CEP85L: variants seen among roughly 807,000 people sequenced by gnomAD.
The protein encoded by CEP85L is centrosomal protein of 85 kDa-like.
CEP85L carries 60 observed loss-of-function variants against 100.3 expected under a neutral mutation model. That is an observed-to-expected ratio of 0.60 (90% CI 0.49 to 0.74). CEP85L has a LOEUF of 0.74. CEP85L is among the 30% of genes least tolerant of loss of function. CEP85L has a pLI of 0.00. For missense variants in CEP85L, 973 were observed against 936.2 expected, an observed-to-expected ratio of 1.04 and a Z score of -0.51; for synonymous variants, 319 against 322.7, an observed-to-expected ratio of 0.99 and a Z score of 0.12.
intron 2 of CEP85L, among the ~76,000 whole-genome samples, chr6:118,593,843 T>A (rs529392856): frequency 6.6e-6 from 1 of 152,264 alleles, no homozygotes; most frequent in Non-Finnish European, 1.5e-5. Flanking sequence ...ATGTGATCCA[T>A]CCTCAACACA....
intron 2 of CEP85L, among the ~76,000 whole-genome samples, chr6:118,572,893 T>C (rs2115034976): frequency 6.6e-6 from 1 of 152,140 alleles, no homozygotes; most frequent in Middle Eastern, 3.4e-3. Context: ...AAAACCCATT[T>C]CTACTAAAAA....
intron 4 of CEP85L, among the ~76,000 whole-genome samples, chr6:118,515,919 G>A (rs1353507980): frequency 1.3e-5 from 2 of 152,008 alleles, no homozygotes; most frequent in Admixed American, 6.6e-5. Flanking sequence ...CCCCAGATAG[G>A]CCCTGGTGTG....
chr6:118,656,941 T>C (rs1176674348), upstream of CEP85L: 3 of 152,248 alleles, frequency 2.0e-5, no homozygotes, highest in African/African-American at 7.2e-5. Context: ...TCAGTCCTTG[T>C]TCTCTAGCTT....
intron 5 of CEP85L, among the ~76,000 whole-genome samples, chr6:118,503,375 C>A (rs750521604): frequency 5.3e-5 from 8 of 152,096 alleles, no homozygotes; most frequent in Non-Finnish European, 1.0e-4. Context: ...CCAATTTGAT[C>A]TATAGATTCA....
At chr6:118,477,550 AT>A (rs1001669570) in intron 10 of CEP85L, among the ~76,000 whole-genome samples, 3 of 151,600 alleles carry the variant, frequency 2.0e-5, no homozygotes, top group East Asian at 1.9e-4. Context: ...ATAGCCTGGG[AT>A]TTTTTTTTCC....
At chr6:118,589,305 T>G (rs1781044375) in intron 2 of CEP85L, 1 of 238,288 alleles carries the variant, frequency 4.2e-6, no homozygotes. Context: ...GCTGCAGAAT[T>G]CCAGGGGAAT....
chr6:118,665,655 G>T (rs1776111587), intron 1 of CEP85L, among the ~76,000 whole-genome samples: 1 of 152,032 alleles, frequency 6.6e-6, no homozygotes, highest in African/African-American at 2.4e-5. Flanking sequence ...CATTGCGCCG[G>T]GCCACATCCC....
intron 5 of CEP85L, among the ~76,000 whole-genome samples, chr6:118,510,938 T>C (rs891069865): frequency 3.9e-5 from 6 of 152,100 alleles, no homozygotes; most frequent in African/African-American, 1.4e-4. Context: ...CACTGTGTGT[T>C]ATATAATTGT....
At chr6:118,569,150 C>CAAAG (rs1749791289) in intron 2 of CEP85L, among the ~76,000 whole-genome samples, 1 of 151,534 alleles carries the variant, frequency 6.6e-6, no homozygotes, top group African/African-American at 2.4e-5. Flanking sequence ...AGACCACCTT[C>CAAAG]ACCAACAATA....
intron 2 of CEP85L, among the ~76,000 whole-genome samples, chr6:118,582,140 A>G (rs1190674231): frequency 6.6e-6 from 1 of 152,046 alleles, no homozygotes; most frequent in East Asian, 1.9e-4. Context: ...CCCTCCAATC[A>G]TACTATCAGC....
At chr6:118,480,045 CTG>C (rs1012228892) in intron 9 of CEP85L, 124 bp from the exon 10 acceptor site, 7 of 606,846 alleles carry the variant, frequency 1.2e-5, no homozygotes, top group Admixed American at 7.6e-5. Context: ...TTTTAAAAAA[CTG>C]AAAGTATCCT....
intron 5 of CEP85L, chr6:118,502,859 GA>G: frequency 1.7e-6 from 1 of 593,610 alleles, no homozygotes; most frequent in Non-Finnish European, 3.2e-6. Flanking sequence ...CCCTGTCATG[GA>G]AAACAACTTT....
intron 1 of CEP85L, among the ~76,000 whole-genome samples, chr6:118,690,282 G>A (rs949890324): frequency 7.9e-5 from 12 of 152,046 alleles, no homozygotes; most frequent in Admixed American, 7.9e-4. Context: ...TATCAAATTT[G>A]TCATGTCTAA....
chr6:118,553,424 T>A (rs1419089593), intron 3 of CEP85L, among the ~76,000 whole-genome samples: 2 of 152,170 alleles, frequency 1.3e-5, no homozygotes, highest in Non-Finnish European at 2.9e-5. Context: ...CTGGCCTAAT[T>A]ATCATCATAC....
In CEP85L at chr6:118,651,516, G is replaced by C. The variant is rs1190345785; in HGVS notation, c.-247C>G. ...GCCCGCGCCGGGGAAGCGGCGACTC[G>C]GCGGTGACGGCTGCTAGATCCCCGG... is the stretch of plus-strand genomic sequence containing the variant. On this transcript the variant is annotated 5_prime_UTR_variant, in exon 1 of 13. Transcript: ENST00000368491. The C allele has an allele frequency of 2.1e-5, 26 of 1,267,894 alleles. No homozygotes were observed. Among genetic ancestry groups the C allele is most frequent in the East Asian group, 3.3e-5 (1 of 30,708 alleles). The allele number at this position is 1,267,894 out of a possible 1,614,324, so 78.5% of individuals were successfully genotyped here.
intron 2 of CEP85L, among the ~76,000 whole-genome samples, chr6:118,594,780 C>T (rs147630594): frequency 0.027 from 3,981 of 148,210 alleles, 182 homozygotes; most frequent in African/African-American, 0.094. Flanking sequence ...GGCGTGAACC[C>T]GGGAGGCGGA....
intron 2 of CEP85L, among the ~76,000 whole-genome samples, chr6:118,618,769 A>G (rs1283099283): frequency 2.0e-5 from 3 of 152,078 alleles, no homozygotes; most frequent in Admixed American, 6.5e-5. Context: ...ATCCCCTTTG[A>G]GCTTACTAAG....
At chr6:118,491,311 G>T in intron 6 of CEP85L, 1 of 253,436 alleles carries the variant, frequency 3.9e-6, no homozygotes, top group Non-Finnish European at 6.5e-6. Context: ...AGGGGCTTCA[G>T]TTTAATAACT....
At chr6:118,475,855 C>G (rs1053549166) in intron 10 of CEP85L, among the ~76,000 whole-genome samples, 1 of 152,168 alleles carries the variant, frequency 6.6e-6, no homozygotes, top group South Asian at 2.1e-4. Context: ...GTCCACTGAG[C>G]GTGCTGAGGA....
Sources: allele counts gnomAD v4.1 joint callset (sites outside exome capture counted in the v4.1 genomes callset), GRCh38; gene constraint gnomAD v4.1.1; transcripts MANE v1.5; gene names NCBI Gene and HGNC (gene_info 2026-07-23, HGNC 2026-07-21).